Variants in AXDND1 observed in about 807,000 individuals in gnomAD.
AXDND1 encodes axonemal dynein light chain domain-containing protein 1.
In AXDND1, 110 loss-of-function variants were observed where a neutral mutation model predicts 137.5. The observed-to-expected ratio is 0.80, with a 90% CI of 0.69 to 0.94. AXDND1 has a LOEUF of 0.94. AXDND1 is among the 40% of genes least tolerant of loss of function. The pLI is 0.00. For synonymous variants in AXDND1, 414 were observed against 399.7 expected (o/e 1.04, Z -0.43); for missense variants, 1,191 against 1,169.8 (o/e 1.02, Z -0.26).
At chr1:179,429,486 A>G (rs747082191) in intron 12 of AXDND1, 32 bp from the exon 13 acceptor site, 6 of 1,163,320 alleles carry the variant, frequency 5.2e-6, no homozygotes, top group Non-Finnish European at 7.1e-6. Flanking sequence ...CTAATGTTTT[A>G]GGTTCCTGAT....
intron 17 of AXDND1, among the ~76,000 whole-genome samples, chr1:179,476,108 G>C (rs1664594875): frequency 6.6e-6 from 1 of 152,160 alleles, no homozygotes; most frequent in Non-Finnish European, 1.5e-5. Flanking sequence ...ATGTGGAACT[G>C]TGAGTTGATT....
chr1:179,469,010 AC>A (rs2125482542), intron 17 of AXDND1, among the ~76,000 whole-genome samples: 1 of 151,954 alleles, frequency 6.6e-6, no homozygotes, highest in African/African-American at 2.4e-5. Context: ...GCTCACTGCA[AC>A]CTCTACCTCC....
At chr1:179,433,672 T>A (rs2125321979) in intron 15 of AXDND1, among the ~76,000 whole-genome samples, 1 of 152,330 alleles carries the variant, frequency 6.6e-6, no homozygotes, top group South Asian at 2.1e-4. Flanking sequence ...GTTGTATGGT[T>A]TTGAGTGAGT....
chr1:179,411,210 A>G lies in AXDND1; in HGVS notation c.1174A>G (p.Lys392Glu). ...AGAAAGGATGGAGAATGATATGAAA[A>G]AGTTAGTGGCAGAAAGAGATATCTG... ...QRERMENDMKKLVAERDIWSS... is the reference protein window; with the variant it reads ...QRERMENDMKELVAERDIWSS... Residue 392 changes from lysine (K) to glutamate (E), a missense_variant, in exon 12 of 26, where the codon AAG becomes GAG. Transcript: ENST00000367618. The G allele has an allele frequency of 1.9e-6, 3 of 1,612,792 alleles. No homozygotes were observed. In the South Asian group the frequency reaches 3.3e-5, roughly 18 times the overall value.
At chr1:179,383,675 C>T in intron 8 of AXDND1, 131 bp downstream of exon 8, 1 of 626,374 alleles carries the variant, frequency 1.6e-6, no homozygotes, top group Non-Finnish European at 2.8e-6. Flanking sequence ...GTATTTGTAC[C>T]TCAGTTTCCT....
intron 21 of AXDND1, among the ~76,000 whole-genome samples, chr1:179,519,219 A>G: frequency 6.6e-6 from 1 of 151,962 alleles, no homozygotes. Flanking sequence ...TCCTTTGCCC[A>G]CTTTTTTATG....
intron 20 of AXDND1, among the ~76,000 whole-genome samples, chr1:179,493,731 T>C (rs1590785): frequency 0.86 from 130,715 of 152,194 alleles, 56,325 homozygotes; most frequent in East Asian, 0.9. Context: ...ATCTCCAACA[T>C]AAAGAAAAGA....
chr1:179,445,384 CTATT>C (rs1659591540), intron 16 of AXDND1, among the ~76,000 whole-genome samples, 180 bp downstream of exon 16: 5 of 152,142 alleles, frequency 3.3e-5, no homozygotes, highest in South Asian at 4.1e-4. Context: ...TACAATTCAC[CTATT>C]TAAAGTGTAT....
chr1:179,551,581 G>A (rs558468925), intron 25 of AXDND1: 4 of 1,043,532 alleles, frequency 3.8e-6, no homozygotes, highest in Non-Finnish European at 5.7e-6. Flanking sequence ...CATAGAACAT[G>A]TTTATTCTTC....
intron 25 of AXDND1, among the ~76,000 whole-genome samples, chr1:179,535,311 T>C (rs913003153): frequency 6.6e-6 from 1 of 152,090 alleles, no homozygotes; most frequent in Admixed American, 6.6e-5. Flanking sequence ...GCCATGTTGG[T>C]GTGCTGCACC....
intron 2 of AXDND1, among the ~76,000 whole-genome samples, chr1:179,367,971 CT>C (rs563605841): frequency 0.022 from 3,230 of 146,450 alleles, 59 homozygotes; most frequent in Middle Eastern, 0.056. Flanking sequence ...CCCCACCCAA[CT>C]TTTTTTTTTT....
At chr1:179,472,474 T>G (rs12730132) in intron 17 of AXDND1, among the ~76,000 whole-genome samples, 69,426 of 152,056 alleles carry the variant, frequency 0.46, 16,733 homozygotes, top group East Asian at 0.76. Context: ...ATATTTCATT[T>G]TTATTGGAGA....
At chr1:179,412,390 G>A (rs180808135) in intron 12 of AXDND1, among the ~76,000 whole-genome samples, 21 of 152,234 alleles carry the variant, frequency 1.4e-4, no homozygotes, top group Admixed American at 9.2e-4. Context: ...GTCTACTGGT[G>A]GCAGGTCACA....
At chr1:179,448,410 T>G (rs1264779666) in intron 16 of AXDND1, 1 of 611,298 alleles carries the variant, frequency 1.6e-6, no homozygotes, top group Non-Finnish European at 3.0e-6. Flanking sequence ...TCATCCATTA[T>G]GCATGTGATT....
At chr1:179,495,900 T>C (rs1667398249) in intron 20 of AXDND1, among the ~76,000 whole-genome samples, 1 of 150,504 alleles carries the variant, frequency 6.6e-6, no homozygotes, top group Non-Finnish European at 1.5e-5. Context: ...AAAATTCTTT[T>C]TTTTTTTTTT....
intron 17 of AXDND1, among the ~76,000 whole-genome samples, chr1:179,469,214 G>A (rs1663620288): frequency 6.6e-6 from 1 of 152,156 alleles, no homozygotes; most frequent in Non-Finnish European, 1.5e-5. Context: ...ACAGGTGTGA[G>A]CCACCACACC....
rs778442012 is a variant in AXDND1 at position 179,486,435 on chromosome 1, A to G, written c.2091+3214A>G. ...GATATCATCCATGAAAATTTTCACA[A>G]CCTCACTAAAGGGGCCAACATTCAA... On this transcript the variant is annotated intron_variant, in intron 18 of 25. Coordinates refer to ENST00000367618, the MANE Select transcript of AXDND1 (RefSeq NM_144696.6). Among the ~76,000 whole-genome samples the G allele has an allele frequency of 2.0e-5, 3 of 152,194 alleles. No individual in the cohort carries two copies. In the East Asian group the frequency reaches 5.8e-4, roughly 29 times the overall value.
At chr1:179,432,132 G>A in intron 14 of AXDND1, 135 bp from the exon 15 acceptor site, 1 of 1,133,848 alleles carries the variant, frequency 8.8e-7, no homozygotes, top group South Asian at 1.5e-5. Context: ...GTGGGGAGAG[G>A]GGCTGGACCT....
At position 179,433,336 on chromosome 1, in the gene AXDND1, TGAA is replaced by T. The variant is rs1558171896; in HGVS notation, c.1563+996_1563+998del. Among the ~76,000 whole-genome samples the T allele has an allele frequency of 2.0e-5, 3 of 152,192 alleles. No homozygotes were observed. The South Asian group carries it at 6.2e-4, about 31-fold the overall frequency. On this transcript the variant is annotated intron_variant, in intron 15 of 25. Transcript: ENST00000367618. ...ATAGCTCCTGGATTCATTGATTCTTTGAAGGGTTTTTCACATCTCTATTTCCCT... is the reference window on the plus strand; with the variant it reads ...ATAGCTCCTGGATTCATTGATTCTTTGGGTTTTTCACATCTCTATTTCCCT...
Sources: gnomAD v4.1 joint callset for allele counts (sites outside exome capture counted in the v4.1 genomes callset) on GRCh38, gnomAD v4.1.1 for gene constraint, MANE v1.5 for transcripts, NCBI Gene and HGNC (gene_info 2026-07-23, HGNC 2026-07-21) for gene names.